ZBTB40: variants seen among roughly 807,000 people sequenced by gnomAD.
The protein encoded by ZBTB40 is zinc finger and BTB domain containing 40, also known as zinc finger and BTB domain-containing protein 40.
A neutral mutation model predicts 117.5 loss-of-function variants in ZBTB40; 60 were observed. The observed-to-expected ratio is 0.51, with a 90% CI of 0.41 to 0.63. The LOEUF (loss-of-function observed/expected upper bound fraction) is 0.63, where lower values mean the gene tolerates loss of function less well. ZBTB40 is among the 30% of genes least tolerant of loss of function. The probability of loss-of-function intolerance (pLI) is 0.00; values close to 1 mark genes in which losing one functional copy is unlikely to be tolerated. For missense variants in ZBTB40, 1,287 were observed against 1,498.5 expected (o/e 0.86, Z 2.33); for synonymous variants, 525 against 577.1 (o/e 0.91, Z 1.29).
rs936184507 is a variant in ZBTB40 at position 22,452,675 on chromosome 1, C to T, written c.-70+671C>T. ...CCCTTACAGCAAAAGTTTACTGACC[C>T]CTGCCCTAAACACAAGGAGATTGGA... On this transcript the variant is annotated intron_variant, in intron 1 of 17. Transcript: ENST00000375647. 4 of 152,448 alleles carry T rather than the reference C, an allele frequency of 2.6e-5. No homozygotes were observed. The East Asian group carries it at 7.5e-4, about 29-fold the overall frequency. 9.4% of individuals were successfully genotyped at this position (152,448 alleles called of 1,614,324 possible).
intron 1 of ZBTB40, among the ~76,000 whole-genome samples, chr1:22,434,628 C>A (rs1640647170): frequency 6.6e-6 from 1 of 152,080 alleles, no homozygotes; most frequent in Non-Finnish European, 1.5e-5. Flanking sequence ...GATAAAACTT[C>A]TTTTTCAAAT....
chr1:22,451,744 C>A (rs1044044856), upstream of ZBTB40: 3 of 120,972 alleles, frequency 2.5e-5, no homozygotes, highest in African/African-American at 1.3e-4. Context: ...AGCAACCAGC[C>A]GGCCCCCGCC....
chr1:22,451,096 T>C (rs762021619), upstream of ZBTB40, among the ~76,000 whole-genome samples: 10 of 152,166 alleles, frequency 6.6e-5, no homozygotes, highest in South Asian at 8.3e-4. Context: ...AAGCTAGGAC[T>C]AAATCCCAAA....
Position 22,530,759 on chromosome 1 carries a change from G to A in ZBTB40, c.*4363G>A, listed in dbSNP as rs962889. On this transcript the variant is annotated 3_prime_UTR_variant, in exon 18 of 18. Coordinates refer to ENST00000375647, the MANE Select transcript of ZBTB40 (RefSeq NM_014870.4). The stretch of plus-strand genomic sequence containing the variant: ...CTGCTTTCTCTTTGGTTCTGGGCCA[G>A]TGTCAGACGGGGACAGGGGTGATAG... The A allele has an allele frequency of 0.022, 3,324 of 152,450 alleles. 218 individuals carry two copies. In the East Asian group the frequency reaches 0.26, roughly 12 times the overall value. 9.4% of individuals were successfully genotyped at this position (152,450 alleles called of 1,614,324 possible).
intron 1 of ZBTB40, among the ~76,000 whole-genome samples, chr1:22,454,397 A>G (rs573412469): frequency 6.6e-6 from 1 of 152,364 alleles, no homozygotes; most frequent in East Asian, 1.9e-4. Context: ...AAGTTATTCC[A>G]AATTGTGGCA....
intron 1 of ZBTB40, among the ~76,000 whole-genome samples, chr1:22,433,674 C>T (rs1238810808): frequency 2.8e-5 from 4 of 144,256 alleles, no homozygotes; most frequent in African/African-American, 1.0e-4. Flanking sequence ...TAGAACTAAC[C>T]CTCCACCGAT....
chr1:22,483,883 T>C (rs1300703670), intron 1 of ZBTB40, among the ~76,000 whole-genome samples: 1 of 152,230 alleles, frequency 6.6e-6, no homozygotes, highest in African/African-American at 2.4e-5. Context: ...TAATTTTGTA[T>C]TTTACATATA....
intron 1 of ZBTB40, among the ~76,000 whole-genome samples, chr1:22,489,011 G>A (rs1638549918): frequency 6.6e-6 from 1 of 152,212 alleles, no homozygotes; most frequent in African/African-American, 2.4e-5. Flanking sequence ...CAAAAGTCAA[G>A]GATGACTTGG....
chr1:22,482,047 G>C (rs1638334178), intron 1 of ZBTB40, among the ~76,000 whole-genome samples: 1 of 151,700 alleles, frequency 6.6e-6, no homozygotes, highest in Non-Finnish European at 1.5e-5. Flanking sequence ...TCGCCTACTA[G>C]AGCTACTTCT....
intron 1 of ZBTB40, among the ~76,000 whole-genome samples, chr1:22,487,327 AC>A (rs773505481): frequency 2.0e-5 from 3 of 152,166 alleles, no homozygotes; most frequent in Non-Finnish European, 4.4e-5. Context: ...TAATCCTCTA[AC>A]AAAAGCAATT....
chr1:22,508,484 G>C, intron 7 of ZBTB40, 46 bp from the exon 8 acceptor site: 1 of 1,605,912 alleles, frequency 6.2e-7, no homozygotes, highest in Non-Finnish European at 8.5e-7. Flanking sequence ...AGCTGGGCTA[G>C]TGGCTGGAGA....
At chr1:22,431,515 G>A (rs1468742047) in intron 1 of ZBTB40, among the ~76,000 whole-genome samples, 2 of 151,080 alleles carry the variant, frequency 1.3e-5, no homozygotes, top group Non-Finnish European at 2.9e-5. Context: ...AAGGGGGGTG[G>A]GTCACCTAAG....
At position 22,490,198 on chromosome 1, in the gene ZBTB40, C is replaced by T; in HGVS notation, c.250C>T (p.Pro84Ser). The change falls in exon 2 of 18, where the codon CCT becomes TCT. Residue 84 changes from proline (P) to serine (S), a missense_variant. Around this residue, in one of 2 missense-constraint regions of ZBTB40, gnomAD observed 870 missense variants for 934.4 expected, o/e 0.93. Coordinates refer to ENST00000375647, the MANE Select transcript of ZBTB40 (RefSeq NM_014870.4). ...GGAAATGATGTACACGGGCAAACTA[C>T]CTGTGGGCAAGCACAACTTCTCCAA... ...LLEMMYTGKLPVGKHNFSKII... is the reference protein window; with the variant it reads ...LLEMMYTGKLSVGKHNFSKII... 1 of 1,614,168 alleles carries T rather than the reference C, an allele frequency of 6.2e-7. No homozygotes were observed.
intron 1 of ZBTB40, among the ~76,000 whole-genome samples, chr1:22,472,514 C>T (rs1334970480): frequency 2.6e-5 from 4 of 152,194 alleles, no homozygotes; most frequent in East Asian, 1.9e-4. Context: ...TTAGACTTTA[C>T]ACCACAAAAG....
chr1:22,441,925 CA>C (rs1557473359), intron 1 of ZBTB40, among the ~76,000 whole-genome samples: 1 of 152,136 alleles, frequency 6.6e-6, no homozygotes, highest in Non-Finnish European at 1.5e-5. Flanking sequence ...TACCTCTTAA[CA>C]ACTGCTTTTT....
At position 22,513,150 on chromosome 1, in the gene ZBTB40, A is replaced by G; in HGVS notation, c.2668+20A>G. The G allele has an allele frequency of 6.2e-7, 1 of 1,610,854 alleles. No homozygotes were observed. The highest frequency in any genetic ancestry group is 1.1e-5 in the South Asian group (1 of 90,590). On this transcript the variant is annotated intron_variant, in intron 12 of 17. Transcript: ENST00000375647. The surrounding 1 kb of genome is among the most constrained non-coding windows in gnomAD (Gnocchi z 4.9). Reference sequence around the variant, plus strand: ...CAGAAGGTAAGGCGGGGCACAGTTCATTTCTCCTGCAGACTTTCACTGCGA... The same window carrying G: ...CAGAAGGTAAGGCGGGGCACAGTTCGTTTCTCCTGCAGACTTTCACTGCGA...
chr1:22,500,365 G>C (rs1383467162), intron 3 of ZBTB40, among the ~76,000 whole-genome samples: 5 of 152,278 alleles, frequency 3.3e-5, no homozygotes. Context: ...GGCAGCTCTG[G>C]ATTGAAATAG....
In ZBTB40 at chr1:22,513,065, A is replaced by G. The variant is rs539311219; in HGVS notation, c.2603A>G (p.His868Arg). The G allele has an allele frequency of 1.9e-6, 3 of 1,614,174 alleles. No homozygotes were observed. The highest frequency in any genetic ancestry group is 2.7e-5 in the African/African-American group (2 of 75,040). ...GGGGACCGCCCGTTCATGTGCAAGC[A>G]CTGCCTCATGACCTTCACCCAGGCC... is the stretch of plus-strand genomic sequence containing the variant. ...HTGDRPFMCKHCLMTFTQASA... is the reference protein window; with the variant it reads ...HTGDRPFMCKRCLMTFTQASA... Residue 868 changes from histidine (H) to arginine (R), a missense_variant, in exon 12 of 18, where the codon CAC becomes CGC. His to Arg is a conservative substitution (Grantham distance 29). Around this residue, in one of 2 missense-constraint regions of ZBTB40, gnomAD observed 417 missense variants for 564.1 expected, o/e 0.74. Transcript: ENST00000375647. The surrounding 1 kb of genome is among the most constrained non-coding windows in gnomAD (Gnocchi z 4.9).
chr1:22,450,056 G>A (rs757953273), upstream of ZBTB40, among the ~76,000 whole-genome samples: 1 of 151,816 alleles, frequency 6.6e-6, no homozygotes, highest in African/African-American at 2.4e-5. Flanking sequence ...CGATTCTCCT[G>A]CCTCAGCATC....
Sources: allele counts gnomAD v4.1 joint callset (sites outside exome capture counted in the v4.1 genomes callset), GRCh38; gene constraint gnomAD v4.1.1; regional missense constraint gnomAD v4.1.1; non-coding constraint Gnocchi (gnomAD v3.1); transcripts MANE v1.5; gene names NCBI Gene and HGNC (gene_info 2026-07-23, HGNC 2026-07-21).